PRKCE: variants seen among roughly 807,000 people sequenced by gnomAD.
The protein encoded by PRKCE is protein kinase C epsilon type.
PRKCE carries 16 observed loss-of-function variants against 85.4 expected under a neutral mutation model. That is an observed-to-expected ratio of 0.19 (90% CI 0.13 to 0.28). The LOEUF (loss-of-function observed/expected upper bound fraction) is 0.28. Among genes scored for constraint, PRKCE ranks in the 10% least tolerant of loss-of-function variants. The probability of loss-of-function intolerance (pLI) is 1.00; values close to 1 mark genes in which losing one functional copy is unlikely to be tolerated. For missense variants in PRKCE, 573 were observed against 975.2 expected (o/e 0.59, Z 5.49); for synonymous variants, 388 against 371.5 (o/e 1.04, Z -0.51).
At chr2:45,707,573 G>A (rs1679217834) in intron 1 of PRKCE, among the ~76,000 whole-genome samples, 1 of 152,172 alleles carries the variant, frequency 6.6e-6, no homozygotes, top group Admixed American at 6.5e-5. Flanking sequence ...TCTTGCCCCT[G>A]TGCTTGTCCT....
intron 10 of PRKCE, among the ~76,000 whole-genome samples, chr2:46,032,448 G>C (rs2104953302): frequency 6.6e-6 from 1 of 152,306 alleles, no homozygotes; most frequent in East Asian, 1.9e-4. Context: ...CGGGTTTGCT[G>C]GCAGGACTTG....
intron 1 of PRKCE, among the ~76,000 whole-genome samples, chr2:45,662,231 A>G (rs139550855): frequency 1.4e-3 from 216 of 152,352 alleles, no homozygotes; most frequent in Middle Eastern, 0.01. Context: ...GCAAATATTT[A>G]TTGAATATGC....
chr2:45,938,766 A>C (rs187322875), intron 2 of PRKCE, among the ~76,000 whole-genome samples: 1 of 152,312 alleles, frequency 6.6e-6, no homozygotes. Flanking sequence ...GAAAGCTTAT[A>C]TTTACAAAGT....
intron 1 of PRKCE, among the ~76,000 whole-genome samples, chr2:45,670,164 C>T (rs1007972122): frequency 2.0e-5 from 3 of 152,154 alleles, no homozygotes; most frequent in Non-Finnish European, 4.4e-5. Flanking sequence ...CCCAGTAAGT[C>T]GGCCGCGTGC....
chr2:45,652,213 T>C lies in PRKCE; in HGVS notation c.113T>C (p.Leu38Pro). The change falls in exon 1 of 15, where the codon CTC becomes CCC. Residue 38 changes from leucine (L) to proline (P), a missense_variant. By Grantham distance (98) the Leu-to-Pro change is moderately conservative. Transcript: ENST00000306156. The surrounding 1 kb of genome is among the most constrained non-coding windows in gnomAD (Gnocchi z 7.7). ...AVGPRPQTFLLDPYIALNVDD... is the reference protein window; with the variant it reads ...AVGPRPQTFLPDPYIALNVDD... ...GGACCCCGGCCGCAGACTTTCCTTC[T>C]CGACCCCTACATTGCCCTCAATGTG... The C allele has an allele frequency of 1.9e-6, 3 of 1,613,408 alleles. No individual in the cohort carries two copies. The highest frequency in any genetic ancestry group is 2.5e-6 in the Non-Finnish European group (3 of 1,179,966).
intron 10 of PRKCE, among the ~76,000 whole-genome samples, chr2:46,085,322 A>G (rs61758301): frequency 0.27 from 40,886 of 152,110 alleles, 6,807 homozygotes; most frequent in African/African-American, 0.47. Flanking sequence ...CTCACAGTGC[A>G]TGGGGGTTCA....
chr2:45,878,333 A>G (rs1284281021), intron 2 of PRKCE, among the ~76,000 whole-genome samples: 7 of 152,200 alleles, frequency 4.6e-5, no homozygotes, highest in African/African-American at 1.4e-4. Flanking sequence ...GTCCACAGCC[A>G]CCTTATAACA....
chr2:46,164,278 G>A (rs568815638), intron 14 of PRKCE, among the ~76,000 whole-genome samples: 3 of 152,276 alleles, frequency 2.0e-5, no homozygotes, highest in Admixed American at 6.5e-5. Flanking sequence ...GAAGGGAAAG[G>A]ATCAAGTCTG....
intron 5 of PRKCE, among the ~76,000 whole-genome samples, chr2:45,982,438 G>T (rs1036351164): frequency 6.6e-6 from 1 of 152,140 alleles, no homozygotes; most frequent in Non-Finnish European, 1.5e-5. Context: ...TGAACACTCG[G>T]CCGGTCCCCC....
In PRKCE at chr2:45,848,231, A is replaced by T. The variant is rs748451637; in HGVS notation, c.412+5168A>T. Among the ~76,000 whole-genome samples the T allele has an allele frequency of 7.9e-5, 12 of 152,366 alleles. No homozygotes were observed. The South Asian group carries it at 8.3e-4, about 11-fold the overall frequency. On this transcript the variant is annotated intron_variant, in intron 2 of 14. Coordinates refer to ENST00000306156, the MANE Select transcript of PRKCE (RefSeq NM_005400.3). ...TTTTACCTCTTTTCTTCTAAATTCT[A>T]CGTTAATAATCCAATGTCTTCTAGT...
chr2:45,788,686 C>T (rs900341872), intron 1 of PRKCE, among the ~76,000 whole-genome samples: 2 of 152,160 alleles, frequency 1.3e-5, no homozygotes, highest in Admixed American at 6.5e-5. Context: ...AGGGACACTC[C>T]GTCTGAAAGG....
intron 1 of PRKCE, among the ~76,000 whole-genome samples, chr2:45,675,092 C>T (rs1212908061): frequency 6.6e-6 from 1 of 152,138 alleles, no homozygotes; most frequent in Non-Finnish European, 1.5e-5. Flanking sequence ...GTTTCCAAGC[C>T]TGGCTGACCA....
At chr2:45,744,461 C>CT (rs1274322310) in intron 1 of PRKCE, among the ~76,000 whole-genome samples, 2 of 56,374 alleles carry the variant, frequency 3.5e-5, no homozygotes, top group African/African-American at 1.6e-4. Flanking sequence ...TTCTTTCTTT[C>CT]TTTCTTTCTT....
At chr2:45,693,597 A>G (rs1260661420) in intron 1 of PRKCE, among the ~76,000 whole-genome samples, 1 of 152,210 alleles carries the variant, frequency 6.6e-6, no homozygotes, top group African/African-American at 2.4e-5. Flanking sequence ...GCTGAAAATA[A>G]TGGAAAATGA....
chr2:45,782,797 C>G (rs1686299109), intron 1 of PRKCE, among the ~76,000 whole-genome samples: 1 of 151,560 alleles, frequency 6.6e-6, no homozygotes. Context: ...ACACACACAC[C>G]CAGAAAAGGG....
At chr2:45,747,853 C>T (rs77524408) in intron 1 of PRKCE, among the ~76,000 whole-genome samples, 16,439 of 152,166 alleles carry the variant, frequency 0.11, 1,012 homozygotes, top group Middle Eastern at 0.18. Flanking sequence ...TCTCCACATC[C>T]TCACCAACAC....
At chr2:46,110,255 G>A (rs1672126680) in intron 11 of PRKCE, among the ~76,000 whole-genome samples, 1 of 152,106 alleles carries the variant, frequency 6.6e-6, no homozygotes, top group Non-Finnish European at 1.5e-5. Context: ...AACAGATTGT[G>A]GATAATTGGT....
chr2:45,859,040 CTAAATAAATAAATAAATAAA>C (rs3045334), intron 2 of PRKCE, among the ~76,000 whole-genome samples: 1,380 of 135,434 alleles, frequency 0.01, 28 homozygotes, highest in African/African-American at 0.035. Flanking sequence ...GACTCCATCT[CTAAATAAATAAATAAATAAA>C]TAAATAAATA....
At chr2:46,181,741 G>A (rs978318820) in intron 14 of PRKCE, among the ~76,000 whole-genome samples, 1 of 152,216 alleles carries the variant, frequency 6.6e-6, no homozygotes, top group African/African-American at 2.4e-5. Flanking sequence ...CAGTGCCAGA[G>A]GGCTTACAGA....
Sources: allele counts gnomAD v4.1 joint callset (sites outside exome capture counted in the v4.1 genomes callset), GRCh38; gene constraint gnomAD v4.1.1; non-coding constraint Gnocchi (gnomAD v3.1); transcripts MANE v1.5; gene names NCBI Gene and HGNC (gene_info 2026-07-23, HGNC 2026-07-21).